The following PLXNA4 variants were observed in gnomAD, a reference collection of about 807,000 sequenced individuals.
The protein encoded by PLXNA4 is plexin-A4.
A neutral mutation model predicts 191.8 loss-of-function variants in PLXNA4; 44 were observed. The ratio of observed to expected loss-of-function variants is 0.23; its 90% CI spans 0.18 to 0.29. The LOEUF (loss-of-function observed/expected upper bound fraction) is 0.29, where lower values mean the gene tolerates loss of function less well. PLXNA4 is among the 10% of genes least tolerant of loss of function. PLXNA4 has a pLI of 1.00. For synonymous variants in PLXNA4, 1,082 were observed against 1,009.5 expected (o/e 1.07, Z -1.36); for missense variants, 1,800 against 2,488.8 (o/e 0.72, Z 5.89).
chr7:132,510,463 A>G (rs1468686697), intron 1 of PLXNA4, among the ~76,000 whole-genome samples: 1 of 151,246 alleles, frequency 6.6e-6, no homozygotes, highest in Non-Finnish European at 1.5e-5. Context: ...TCATTCACCC[A>G]TGTGGCAAAT....
Position 132,130,183 on chromosome 7 carries a change from T to C in PLXNA4, c.*296A>G. The C allele has an allele frequency of 5.4e-6, 2 of 367,244 alleles. No individual in the cohort carries two copies. The highest frequency in any genetic ancestry group is 6.7e-5 in the South Asian group (2 of 29,680). The allele number at this position is 367,244 out of a possible 1,614,324, so 22.7% of individuals were successfully genotyped here. A position where few individuals can be genotyped will look rare whatever the true frequency, so the allele number is the denominator to read the frequency against. On this transcript the variant is annotated 3_prime_UTR_variant, in exon 32 of 32. Transcript: ENST00000321063. ...TGACATGCACAGGGTCAGGAGCACC[T>C]GGGAGACAGAGGCCTCTCTGACATC... is the stretch of plus-strand genomic sequence containing the variant.
At chr7:132,246,520 C>G (rs1359086600) in intron 4 of PLXNA4, among the ~76,000 whole-genome samples, 1 of 152,092 alleles carries the variant, frequency 6.6e-6, no homozygotes, top group African/African-American at 2.4e-5. Flanking sequence ...GTCAAATGGC[C>G]CCTGATTTTA....
chr7:132,232,128 T>A (rs1164807866), intron 5 of PLXNA4, among the ~76,000 whole-genome samples: 1 of 152,128 alleles, frequency 6.6e-6, no homozygotes, highest in Non-Finnish European at 1.5e-5. Flanking sequence ...TTTCTAGGAC[T>A]GCAATTCCCA....
chr7:132,324,554 C>A (rs985973266), intron 3 of PLXNA4, among the ~76,000 whole-genome samples: 3 of 152,270 alleles, frequency 2.0e-5, no homozygotes, highest in Admixed American at 2.0e-4. Flanking sequence ...TTATAAAGTG[C>A]TTGTTTCTCG....
chr7:132,384,724 A>C (rs1805043867), intron 3 of PLXNA4: 1 of 1,036,134 alleles, frequency 9.7e-7, no homozygotes, highest in African/African-American at 1.8e-5. Flanking sequence ...ATGCACACAC[A>C]CCTTTAAACA....
At chr7:132,141,258 A>G (rs1441065731) in intron 29 of PLXNA4, among the ~76,000 whole-genome samples, 4 of 152,182 alleles carry the variant, frequency 2.6e-5, no homozygotes, top group Non-Finnish European at 5.9e-5. Context: ...ACTCTCTGCC[A>G]TCTACTGTAT....
chr7:132,521,437 C>G (rs1799179647), intron 1 of PLXNA4, among the ~76,000 whole-genome samples: 2 of 152,120 alleles, frequency 1.3e-5, no homozygotes, highest in Admixed American at 1.3e-4. Flanking sequence ...CCACTCATTC[C>G]TTACTCCCAA....
At chr7:132,541,652 C>T (rs772158634) in intron 1 of PLXNA4, among the ~76,000 whole-genome samples, 1 of 152,230 alleles carries the variant, frequency 6.6e-6, no homozygotes, top group African/African-American at 2.4e-5. Context: ...TCCATAAATA[C>T]CTTGCCCACG....
intron 4 of PLXNA4, among the ~76,000 whole-genome samples, chr7:132,279,246 T>C (rs911574264): frequency 6.6e-5 from 10 of 152,300 alleles, no homozygotes; most frequent in Admixed American, 4.6e-4. Context: ...CCTCTGGTCA[T>C]TAGAGGACTT....
At chr7:132,331,356 G>C (rs62466376) in intron 3 of PLXNA4, among the ~76,000 whole-genome samples, 14,358 of 152,248 alleles carry the variant, frequency 0.094, 871 homozygotes, top group Admixed American at 0.2. Flanking sequence ...AGAGGGTTTG[G>C]CTCTGCCAAG....
At chr7:132,554,032 C>T (rs1216028794) in intron 1 of PLXNA4, among the ~76,000 whole-genome samples, 5 of 152,120 alleles carry the variant, frequency 3.3e-5, no homozygotes, top group African/African-American at 4.8e-5. Context: ...AGAGGAGATA[C>T]CCAAGTACTT....
At chr7:132,235,866 G>C (rs1051820878) in intron 5 of PLXNA4, among the ~76,000 whole-genome samples, 6 of 152,206 alleles carry the variant, frequency 3.9e-5, no homozygotes, top group Admixed American at 3.9e-4. Flanking sequence ...CGAAGGCAGG[G>C]TGGGCTTGTA....
At chr7:132,147,455 A>G (rs1795468441) in intron 27 of PLXNA4, among the ~76,000 whole-genome samples, 1 of 151,892 alleles carries the variant, frequency 6.6e-6, no homozygotes, top group African/African-American at 2.4e-5. Context: ...CACCTCCAGC[A>G]CCCTCTCCTC....
At chr7:132,477,384 A>G (rs1437690637) in intron 3 of PLXNA4, among the ~76,000 whole-genome samples, 1 of 152,212 alleles carries the variant, frequency 6.6e-6, no homozygotes, top group East Asian at 1.9e-4. Flanking sequence ...CGGTTCTGCC[A>G]TCTCTCTTTT....
At chr7:132,484,834 T>C in intron 3 of PLXNA4, 2 of 1,614,092 alleles carry the variant, frequency 1.2e-6, no homozygotes, top group South Asian at 2.2e-5. Context: ...AATTCCCAGG[T>C]ACATTTAGGA....
intron 3 of PLXNA4, among the ~76,000 whole-genome samples, chr7:132,411,106 CAT>C (rs1278192699): frequency 6.6e-6 from 1 of 152,214 alleles, no homozygotes; most frequent in African/African-American, 2.4e-5. Flanking sequence ...TGCTTGATCT[CAT>C]GTTTTCACTT....
Position 132,394,849 on chromosome 7 carries a change from C to T in PLXNA4, c.1371+94443G>A, listed in dbSNP as rs903031548. Among the ~76,000 whole-genome samples, 10 of 152,180 alleles carry T rather than the reference C, an allele frequency of 6.6e-5. No individual in the cohort carries two copies. In the East Asian group the frequency reaches 7.7e-4, roughly 12 times the overall value. ...TGCTCTGAGCTCCTGCCCTTCCTCC[C>T]GCACTAAAAAAATCTCTCTGCTTCG... On this transcript the variant is annotated intron_variant, in intron 3 of 31. Transcript: ENST00000321063.
intron 3 of PLXNA4, among the ~76,000 whole-genome samples, chr7:132,347,843 T>C (rs1803310472): frequency 6.6e-6 from 1 of 152,220 alleles, no homozygotes; most frequent in Non-Finnish European, 1.5e-5. Flanking sequence ...TTTTATACAG[T>C]GTTTCCTGCA....
chr7:132,277,114 G>C (rs561817390), intron 4 of PLXNA4, among the ~76,000 whole-genome samples: 1 of 152,270 alleles, frequency 6.6e-6, no homozygotes, highest in Admixed American at 6.5e-5. Flanking sequence ...TTCTTAGAAG[G>C]CAAACATTTT....
Sources: gnomAD v4.1 joint callset for allele counts (sites outside exome capture counted in the v4.1 genomes callset) on GRCh38, gnomAD v4.1.1 for gene constraint, MANE v1.5 for transcripts, NCBI Gene and HGNC (gene_info 2026-07-23, HGNC 2026-07-21) for gene names.